TAS2R1: variants seen among roughly 807,000 people sequenced by gnomAD.
TAS2R1 encodes the protein taste receptor type 2 member 1.
For synonymous variants in TAS2R1, 141 were observed against 134.2 expected (o/e 1.05, Z -0.35); for missense variants, 370 against 353.4 (o/e 1.05, Z -0.38).
chr5:9,809,556 TG>T, the TAS2R1 span, among the ~76,000 whole-genome samples: 15 of 152,214 alleles, frequency 9.9e-5, no homozygotes, highest in Non-Finnish European at 1.3e-4. Context: ...AACCCAATCA[TG>T]GTTACATCCT....
chr5:9,696,749 C>T (rs568950463), intron 1 of TAS2R1, among the ~76,000 whole-genome samples: 55 of 152,222 alleles, frequency 3.6e-4, no homozygotes, highest in Non-Finnish European at 6.2e-4. Context: ...TGTGGTGGCT[C>T]ATGACTGTAA....
chr5:9,727,829 G>T, the TAS2R1 span, among the ~76,000 whole-genome samples: 1 of 152,232 alleles, frequency 6.6e-6, no homozygotes, highest in Non-Finnish European at 1.5e-5. Context: ...CAGGGCCCCA[G>T]TGAGGTGCAG....
chr5:9,862,760 A>T, the TAS2R1 span: 1 of 152,068 alleles, frequency 6.6e-6, no homozygotes, highest in African/African-American at 2.4e-5. Flanking sequence ...GACCACAGAC[A>T]TGCACCACCA....
the TAS2R1 span, among the ~76,000 whole-genome samples, chr5:9,734,506 G>GTTT: frequency 1.6e-4 from 25 of 151,942 alleles, no homozygotes; most frequent in African/African-American, 4.3e-4. Context: ...CTGTACAAGA[G>GTTT]GTTTTTTTGC....
the TAS2R1 span, among the ~76,000 whole-genome samples, chr5:9,852,994 G>A: frequency 6.6e-6 from 1 of 152,202 alleles, no homozygotes; most frequent in Non-Finnish European, 1.5e-5. Context: ...GAAAACAGAT[G>A]ATAGAAATCA....
the TAS2R1 span, among the ~76,000 whole-genome samples, chr5:9,784,270 T>TGGGACCAGGCC: frequency 1.3e-5 from 2 of 152,186 alleles, no homozygotes; most frequent in African/African-American, 4.8e-5. Flanking sequence ...ATCCCCAGGC[T>TGGGACCAGGCC]GGGACCAGGC....
chr5:9,633,279 GTGTGTGTGTGTATAT>G (rs1739901153), upstream of TAS2R1, among the ~76,000 whole-genome samples: 1 of 102,574 alleles, frequency 9.7e-6, no homozygotes, highest in Non-Finnish European at 1.8e-5. Flanking sequence ...GTGTGTGTGT[GTGTGTGTGTGTATAT>G]TATATATATA....
At chr5:9,900,013 C>A in the TAS2R1 span, among the ~76,000 whole-genome samples, 1 of 152,102 alleles carries the variant, frequency 6.6e-6, no homozygotes, top group South Asian at 2.1e-4. Flanking sequence ...AAGATAAATG[C>A]CCAAAAGTGC....
chr5:9,724,818 G>C, the TAS2R1 span, among the ~76,000 whole-genome samples: 1 of 152,230 alleles, frequency 6.6e-6, no homozygotes, highest in Non-Finnish European at 1.5e-5. Flanking sequence ...GGGTATGGAG[G>C]CACTTCTCTC....
chr5:9,792,758 T>C, the TAS2R1 span, among the ~76,000 whole-genome samples: 1 of 152,142 alleles, frequency 6.6e-6, no homozygotes, highest in Non-Finnish European at 1.5e-5. Context: ...TATATGAATC[T>C]TTACTTCTAC....
At chr5:9,892,207 T>C in the TAS2R1 span, among the ~76,000 whole-genome samples, 1 of 152,182 alleles carries the variant, frequency 6.6e-6, no homozygotes, top group Non-Finnish European at 1.5e-5. Context: ...TGCCTAGATA[T>C]CAAAGCAGAA....
chr5:9,900,618 G>GTTTTTT, the TAS2R1 span, among the ~76,000 whole-genome samples: 5,020 of 119,770 alleles, frequency 0.042, 429 homozygotes, highest in African/African-American at 0.15. Context: ...TGCTCAAATG[G>GTTTTTT]TTTTTTTTTT....
At chr5:9,731,771 G>A in the TAS2R1 span, among the ~76,000 whole-genome samples, 75 of 152,308 alleles carry the variant, frequency 4.9e-4, no homozygotes, top group East Asian at 0.013. Context: ...CTGTGGTTGT[G>A]TCACTTTTTG....
At chr5:9,702,774 A>C (rs1184146548) in intron 1 of TAS2R1, among the ~76,000 whole-genome samples, 1 of 152,094 alleles carries the variant, frequency 6.6e-6, no homozygotes, top group Non-Finnish European at 1.5e-5. Flanking sequence ...TGCTGACGAG[A>C]GGCAGGTTTC....
chr5:9,737,733 C>T, the TAS2R1 span, among the ~76,000 whole-genome samples: 2 of 152,158 alleles, frequency 1.3e-5, no homozygotes, highest in African/African-American at 4.8e-5. Context: ...TCAATTTAAC[C>T]AGAGTCAGTT....
the TAS2R1 span, among the ~76,000 whole-genome samples, chr5:9,776,854 C>T: frequency 6.6e-6 from 1 of 152,140 alleles, no homozygotes; most frequent in Admixed American, 6.5e-5. Context: ...CACAATAAAA[C>T]AAATGTCCCA....
chr5:9,791,328 C>T, the TAS2R1 span, among the ~76,000 whole-genome samples: 9 of 152,272 alleles, frequency 5.9e-5, no homozygotes, highest in African/African-American at 1.7e-4. Flanking sequence ...TTCAGCAGGA[C>T]GAGTGCAATG....
At chr5:9,810,505 G>A in the TAS2R1 span, among the ~76,000 whole-genome samples, 1 of 152,140 alleles carries the variant, frequency 6.6e-6, no homozygotes, top group Non-Finnish European at 1.5e-5. Context: ...GCCACACCTG[G>A]ACTTATTCTG....
the TAS2R1 span, among the ~76,000 whole-genome samples, chr5:9,871,761 T>G: frequency 3.3e-4 from 50 of 152,332 alleles, no homozygotes; most frequent in African/African-American, 1.2e-3. Context: ...GTCAAGCCTT[T>G]TTTTATGAAT....
Sources: gnomAD v4.1 joint callset for allele counts (sites outside exome capture counted in the v4.1 genomes callset) on GRCh38, gnomAD v4.1.1 for gene constraint, MANE v1.5 for transcripts, NCBI Gene and HGNC (gene_info 2026-07-23, HGNC 2026-07-21) for gene names.